Variants in DAB1 observed in about 807,000 individuals in gnomAD.
DAB1 encodes the protein DAB adaptor protein 1.
DAB1 carries 15 observed loss-of-function variants against 64.6 expected under a neutral mutation model. The observed-to-expected ratio is 0.23, with a 90% CI of 0.16 to 0.36. The LOEUF (loss-of-function observed/expected upper bound fraction) is 0.36. Ranked by LOEUF, DAB1 falls within the 10% of genes least tolerant of loss-of-function variation. The pLI is 1.00. For synonymous variants in DAB1, 235 were observed against 251.9 expected (o/e 0.93, Z 0.64); for missense variants, 596 against 706.7 (o/e 0.84, Z 1.78).
intron 7 of DAB1, among the ~76,000 whole-genome samples, chr1:57,582,677 T>C (rs1040710669): frequency 1.2e-4 from 18 of 152,262 alleles, no homozygotes; most frequent in African/African-American, 4.3e-4. Context: ...CAGCTGAGGA[T>C]TCAGGAGAGC....
chr1:57,756,351 T>C (rs910429176), intron 6 of DAB1, among the ~76,000 whole-genome samples: 1 of 152,092 alleles, frequency 6.6e-6, no homozygotes, highest in Non-Finnish European at 1.5e-5. Context: ...TAGGAGTTCA[T>C]AGGAGAAAGG....
chr1:58,162,201 T>C (rs1048980843), intron 4 of DAB1, among the ~76,000 whole-genome samples: 5 of 152,138 alleles, frequency 3.3e-5, no homozygotes, highest in Non-Finnish European at 7.4e-5. Flanking sequence ...GAGGATATTC[T>C]TATCATGCCA....
intron 2 of DAB1, among the ~76,000 whole-genome samples, chr1:58,518,612 T>C (rs1189568668): frequency 7.4e-6 from 1 of 134,692 alleles, no homozygotes; most frequent in Non-Finnish European, 1.6e-5. Flanking sequence ...GAGTAAATGA[T>C]AAAGAACGAA....
At chr1:57,482,130 C>A (rs1342170551) in intron 7 of DAB1, among the ~76,000 whole-genome samples, 1 of 151,894 alleles carries the variant, frequency 6.6e-6, no homozygotes, top group African/African-American at 2.4e-5. Context: ...GGAAAAAGGC[C>A]ATTTAAAAAT....
At chr1:57,225,086 G>A (rs1445604204) in intron 2 of DAB1, among the ~76,000 whole-genome samples, 2 of 152,148 alleles carry the variant, frequency 1.3e-5, no homozygotes, top group Non-Finnish European at 2.9e-5. Flanking sequence ...GCCACTCTGT[G>A]TATCTTTTCC....
chr1:57,787,577 GA>G (rs559073263), intron 6 of DAB1, among the ~76,000 whole-genome samples: 169 of 151,748 alleles, frequency 1.1e-3, no homozygotes, highest in African/African-American at 3.9e-3. Flanking sequence ...AGAAACATAG[GA>G]AAAAAAGTCT....
intron 3 of DAB1, among the ~76,000 whole-genome samples, chr1:58,449,125 T>G (rs1645104351): frequency 1.3e-5 from 2 of 152,226 alleles, no homozygotes; most frequent in African/African-American, 4.8e-5. Context: ...CTGAATGAAT[T>G]GGCCAAGCAC....
chr1:57,628,430 A>G (rs1197771946), intron 7 of DAB1, among the ~76,000 whole-genome samples: 1 of 152,200 alleles, frequency 6.6e-6, no homozygotes, highest in Non-Finnish European at 1.5e-5. Flanking sequence ...TGTCCAACTC[A>G]TGAACCTTAA....
chr1:57,241,362 T>C (rs55712387), intron 2 of DAB1, among the ~76,000 whole-genome samples: 247 of 152,310 alleles, frequency 1.6e-3, no homozygotes, highest in Non-Finnish European at 2.9e-3. Context: ...AGTTTGTCCC[T>C]TCCTTATCAG....
intron 6 of DAB1, among the ~76,000 whole-genome samples, chr1:57,711,909 T>C (rs1647033602): frequency 6.6e-6 from 1 of 152,342 alleles, no homozygotes; most frequent in Non-Finnish European, 1.5e-5. Flanking sequence ...ACTAACATGT[T>C]ATTGGAAATC....
At chr1:58,195,712 GTTAC>G (rs750549747) in intron 4 of DAB1, among the ~76,000 whole-genome samples, 3 of 152,170 alleles carry the variant, frequency 2.0e-5, no homozygotes, top group Non-Finnish European at 4.4e-5. Flanking sequence ...CTGTGTTCAA[GTTAC>G]TTAGAGTCTA....
At chr1:57,355,272 C>T (rs995369923) in intron 1 of DAB1, among the ~76,000 whole-genome samples, 1 of 151,446 alleles carries the variant, frequency 6.6e-6, no homozygotes, top group Non-Finnish European at 1.5e-5. Flanking sequence ...TCCTTCCTGG[C>T]ATACATTTTT....
intron 6 of DAB1, among the ~76,000 whole-genome samples, chr1:57,731,150 GA>G (rs1647394962): frequency 6.6e-6 from 1 of 152,156 alleles, no homozygotes; most frequent in South Asian, 2.1e-4. Flanking sequence ...GAAAAGCAAG[GA>G]AATTTTGAGA....
At chr1:57,217,896 C>T (rs1376201265) in intron 2 of DAB1, among the ~76,000 whole-genome samples, 1 of 152,014 alleles carries the variant, frequency 6.6e-6, no homozygotes, top group Admixed American at 6.6e-5. Flanking sequence ...GCTGCAGGGG[C>T]GTAATCACCG....
At chr1:57,125,559 G>T (rs1469043672) in intron 4 of DAB1, among the ~76,000 whole-genome samples, 5 of 152,142 alleles carry the variant, frequency 3.3e-5, no homozygotes, top group Non-Finnish European at 5.9e-5. Flanking sequence ...GAAAGTAGGA[G>T]AAAAGGATGA....
chr1:58,541,095 A>C (rs1403482639), intron 1 of DAB1, among the ~76,000 whole-genome samples: 1 of 83,212 alleles, frequency 1.2e-5, no homozygotes, highest in Non-Finnish European at 2.7e-5. Flanking sequence ...GGATCATTTG[A>C]GGTCAGGCAT....
rs116546519 is a variant in DAB1, at chr1:57,867,816, G to A, written n.87+16183C>T. On this transcript the variant is annotated intron_variant and non_coding_transcript_variant, in intron 1 of 1. Transcript: ENST00000477280. Reference sequence around the variant, plus strand: ...AGTGCCCTTTCTGTGATGCTGCAGAGTGCCCTGGTCATTATCTTTTCTTTC... The same window carrying A: ...AGTGCCCTTTCTGTGATGCTGCAGAATGCCCTGGTCATTATCTTTTCTTTC... Among the ~76,000 whole-genome samples the A allele has an allele frequency of 5.1e-3, 774 of 152,264 alleles. 4 individuals are homozygous for A. The highest frequency in any genetic ancestry group is 0.017 in the African/African-American group (692 of 41,562).
chr1:57,941,840 A>C (rs1014261379), intron 5 of DAB1, among the ~76,000 whole-genome samples: 3 of 152,184 alleles, frequency 2.0e-5, no homozygotes, highest in Non-Finnish European at 4.4e-5. Flanking sequence ...GTCTCTTAAA[A>C]AAAAAGAAAA....
intron 1 of DAB1, among the ~76,000 whole-genome samples, chr1:57,326,064 A>T (rs1021799025): frequency 2.0e-5 from 3 of 152,228 alleles, no homozygotes; most frequent in African/African-American, 7.2e-5. Flanking sequence ...CACTTTTGCT[A>T]GGCATAGACA....
Sources: gnomAD v4.1 joint callset for allele counts (sites outside exome capture counted in the v4.1 genomes callset) on GRCh38, gnomAD v4.1.1 for gene constraint, MANE v1.5 for transcripts, NCBI Gene and HGNC (gene_info 2026-07-23, HGNC 2026-07-21) for gene names.